The following STIM1 variants were observed in gnomAD, a reference collection of about 807,000 sequenced individuals.
The protein encoded by STIM1 is stromal interaction molecule 1.
A neutral mutation model predicts 74.7 loss-of-function variants in STIM1; 25 were observed. The ratio of observed to expected loss-of-function variants is 0.33; its 90% CI spans 0.24 to 0.47. The LOEUF (loss-of-function observed/expected upper bound fraction) is 0.47. Ranked by LOEUF, STIM1 falls within the 20% of genes least tolerant of loss-of-function variation. The pLI, the probability that STIM1 is intolerant of heterozygous loss-of-function variation, is 1.00. For synonymous variants in STIM1, 328 were observed against 348.8 expected (o/e 0.94, Z 0.66); for missense variants, 728 against 920.8 (o/e 0.79, Z 2.71).
intron 2 of STIM1, chr11:3,973,070 G>A: frequency 2.3e-6 from 1 of 443,238 alleles, no homozygotes; most frequent in Non-Finnish European, 4.5e-6. Context: ...CCACTGCCCT[G>A]ATTTCCATAA....
chr11:4,021,760 G>A (rs2093957850), intron 2 of STIM1, among the ~76,000 whole-genome samples: 1 of 152,102 alleles, frequency 6.6e-6, no homozygotes, highest in Non-Finnish European at 1.5e-5. Flanking sequence ...TGAATCCGTA[G>A]ATTGCTTTGG....
chr11:3,942,970 G>A (rs2093028899), intron 1 of STIM1, among the ~76,000 whole-genome samples: 1 of 152,170 alleles, frequency 6.6e-6, no homozygotes, highest in Admixed American at 6.5e-5. Flanking sequence ...GAGTTAGATG[G>A]ACTTTGCCTG....
chr11:3,895,801 TTC>T (rs1396432121), intron 1 of STIM1, among the ~76,000 whole-genome samples: 4,729 of 93,532 alleles, frequency 0.051, 827 homozygotes, highest in East Asian at 0.081. Context: ...CCTTCCTTCC[TTC>T]CTTTCTTTCC....
intron 1 of STIM1, among the ~76,000 whole-genome samples, chr11:3,872,260 C>T (rs1185041564): frequency 1.3e-5 from 2 of 151,912 alleles, no homozygotes; most frequent in East Asian, 3.9e-4. Context: ...ACCATGTTGG[C>T]CAGGCTCATG....
intron 1 of STIM1, among the ~76,000 whole-genome samples, chr11:3,959,195 A>G (rs911900196): frequency 2.0e-5 from 3 of 152,160 alleles, no homozygotes; most frequent in African/African-American, 7.2e-5. Flanking sequence ...CTGGCTGAGA[A>G]ATAAGAGGTG....
chr11:3,989,371 G>T (rs2093587259), intron 2 of STIM1: 1 of 781,690 alleles, frequency 1.3e-6, no homozygotes, highest in African/African-American at 1.7e-5. Context: ...TTCCACTTTT[G>T]CAGGAGCAGG....
Position 4,091,546 on chromosome 11 carries a change from A to G in STIM1, c.1899A>G (p.Ser633=), listed in dbSNP as rs201272880. The change falls in exon 13 of 13, where the codon TCA becomes TCG. Residue 633 remains serine (S), a synonymous_variant. Coordinates refer to ENST00000526596, the MANE Select transcript of STIM1 (RefSeq NM_001382567.1). ...KAHSLMELSP[S]APPGGSPHLD... ...ACAGCCTGATGGAGCTGAGCCCCTC[A>G]GCCCCACCTGGTGGCTCTCCACATT... The G allele has an allele frequency of 2.0e-5, 33 of 1,614,182 alleles. 1 individual carries two copies. The South Asian group carries it at 3.6e-4, about 18-fold the overall frequency.
chr11:3,888,171 C>T (rs1383494608), intron 1 of STIM1: 1 of 152,134 alleles, frequency 6.6e-6, no homozygotes, highest in African/African-American at 2.4e-5. Flanking sequence ...GCTTTTAGGT[C>T]TGCTTGAGTT....
rs191292752 is a variant in STIM1, at chr11:4,025,138, A to T, written c.385+1151A>T. ...TTTCAATACCCTCTTGGTTGAAAGCATTAGTCTAAGGTAGAGAAGACTAGT... is the reference window on the plus strand; with the variant it reads ...TTTCAATACCCTCTTGGTTGAAAGCTTTAGTCTAAGGTAGAGAAGACTAGT... On this transcript the variant is annotated intron_variant, in intron 3 of 12. Coordinates refer to ENST00000526596, the MANE Select transcript of STIM1 (RefSeq NM_001382567.1). 1.1e-4 allele frequency among the ~76,000 whole-genome samples: 17 copies of T among 152,334 alleles called. No individual in the cohort carries two copies. The East Asian group carries it at 3.3e-3, about 29-fold the overall frequency.
chr11:3,887,585 G>T (rs530622900), intron 1 of STIM1, among the ~76,000 whole-genome samples: 22 of 152,296 alleles, frequency 1.4e-4, no homozygotes, highest in African/African-American at 5.3e-4. Context: ...TAAGGTTATT[G>T]CCAGAAGATG....
At chr11:3,882,687 G>C (rs979055560) in intron 1 of STIM1, among the ~76,000 whole-genome samples, 85 of 152,164 alleles carry the variant, frequency 5.6e-4, no homozygotes, top group African/African-American at 2.0e-3. Flanking sequence ...GGAATTGCTA[G>C]GTTATATGGT....
intron 12 of STIM1, among the ~76,000 whole-genome samples, chr11:4,091,022 G>A (rs929851485): frequency 6.0e-5 from 9 of 150,696 alleles, no homozygotes; most frequent in Non-Finnish European, 1.3e-4. Flanking sequence ...TCCTTTTCCT[G>A]TCTCTTTTCC....
chr11:4,059,299 C>G lies in STIM1; in HGVS notation c.516C>G (p.Thr172=), dbSNP rs2133104553. Residue 172 remains threonine, a synonymous_variant, in exon 5 of 13, where the codon ACC becomes ACG. Transcript: ENST00000526596. Reference sequence around the variant, plus strand: ...TCAACAGGCTGGCTGTCACCAACACCACCATGACAGGGACTGTGCTGAAGA... The same window carrying G: ...TCAACAGGCTGGCTGTCACCAACACGACCATGACAGGGACTGTGCTGAAGA... The part of the protein sequence containing the change: ...HAMPRLAVTN[T]TMTGTVLKMT... 2 of 1,614,082 alleles carry G rather than the reference C, an allele frequency of 1.2e-6. No homozygotes were observed. The highest frequency in any genetic ancestry group is 8.5e-7 in the Non-Finnish European group (1 of 1,179,978).
chr11:3,977,368 A>C (rs2093458533), intron 2 of STIM1, among the ~76,000 whole-genome samples: 2 of 152,226 alleles, frequency 1.3e-5, no homozygotes, highest in Non-Finnish European at 2.9e-5. Context: ...AGATCTACTT[A>C]TGACTTCTGT....
intron 1 of STIM1, among the ~76,000 whole-genome samples, chr11:3,878,935 A>G (rs1393862558): frequency 1.3e-5 from 2 of 150,140 alleles, no homozygotes; most frequent in Admixed American, 6.6e-5. Flanking sequence ...CTCCTCTAGT[A>G]CTGTTGCTTT....
At chr11:3,903,638 C>T (rs1372202085) in intron 1 of STIM1, 1 of 152,150 alleles carries the variant, frequency 6.6e-6, no homozygotes, top group African/African-American at 2.4e-5. Context: ...GGGGTCAGTC[C>T]ATCTGGAAGC....
intron 1 of STIM1, among the ~76,000 whole-genome samples, chr11:3,876,788 T>C (rs1452501589): frequency 6.6e-6 from 1 of 152,200 alleles, no homozygotes; most frequent in East Asian, 1.9e-4. Flanking sequence ...TGGTAAAATA[T>C]GGAGGCAGTT....
rs923860380 is a variant in STIM1, at chr11:4,092,814, C to T, written c.*1016C>T. On this transcript the variant is annotated 3_prime_UTR_variant, in exon 13 of 13. Transcript: ENST00000526596. Reference sequence around the variant, plus strand: ...TTCCCAAGTGCCTACGCTGCATATTCCCCTTGTTAGATCCCATTTTCATGT... The same window carrying T: ...TTCCCAAGTGCCTACGCTGCATATTTCCCTTGTTAGATCCCATTTTCATGT... 1 of 152,208 alleles carries T rather than the reference C, an allele frequency of 6.6e-6. No homozygotes were observed. The highest frequency in any genetic ancestry group is 2.4e-5 in the African/African-American group (1 of 41,448). The allele number at this position is 152,208 out of a possible 1,614,324, so 9.4% of individuals were successfully genotyped here.
intron 2 of STIM1, among the ~76,000 whole-genome samples, chr11:3,975,779 A>G (rs890408716): frequency 1.3e-5 from 2 of 152,220 alleles, no homozygotes; most frequent in Non-Finnish European, 2.9e-5. Flanking sequence ...GGGAAATGCA[A>G]ATTAAAACCA....
Sources: allele counts gnomAD v4.1 joint callset (sites outside exome capture counted in the v4.1 genomes callset), GRCh38; gene constraint gnomAD v4.1.1; transcripts MANE v1.5; gene names NCBI Gene and HGNC (gene_info 2026-07-23, HGNC 2026-07-21).